Variants in NRXN3 observed in about 807,000 individuals in gnomAD.
The protein encoded by NRXN3 is neurexin 3.
A neutral mutation model predicts 137.6 loss-of-function variants in NRXN3; 32 were observed. The observed-to-expected ratio is 0.23, with a 90% CI of 0.18 to 0.31. NRXN3 has a LOEUF of 0.31. Among genes scored for constraint, NRXN3 ranks in the 10% least tolerant of loss-of-function variants. The pLI, the probability that NRXN3 is intolerant of heterozygous loss-of-function variation, is 1.00. For synonymous variants in NRXN3, 798 were observed against 784.5 expected (o/e 1.02, Z -0.29); for missense variants, 1,574 against 2,062.5 (o/e 0.76, Z 4.59).
chr14:79,523,362 A>AT (rs2097087878), intron 16 of NRXN3, among the ~76,000 whole-genome samples: 1 of 152,108 alleles, frequency 6.6e-6, no homozygotes, highest in Admixed American at 6.6e-5. Context: ...TCTCAGCTTG[A>AT]TTTTGCCATG....
chr14:79,808,256 A>C (rs2099217374), intron 20 of NRXN3, among the ~76,000 whole-genome samples: 4 of 104,940 alleles, frequency 3.8e-5, no homozygotes, highest in Admixed American at 3.7e-4. Flanking sequence ...AAAAAAAAAA[A>C]TATATATATA....
intron 6 of NRXN3, among the ~76,000 whole-genome samples, chr14:78,701,921 TGGTGGCATCCATGCGATGCAGCAGTTG>T (rs2098283479): frequency 6.6e-6 from 1 of 152,194 alleles, no homozygotes. Flanking sequence ...AGCATGAAAA[TGGTGGCATCCATGCGATGCAGCAGTTG>T]GGACTATGAG....
intron 2 of NRXN3, among the ~76,000 whole-genome samples, chr14:78,248,055 A>T (rs927139759): frequency 1.3e-5 from 2 of 152,198 alleles, no homozygotes; most frequent in African/African-American, 4.8e-5. Context: ...TTTTACGTTG[A>T]TTCAGTAGAG....
intron 4 of NRXN3, among the ~76,000 whole-genome samples, chr14:78,446,578 G>A (rs1475354674): frequency 1.3e-5 from 2 of 152,216 alleles, no homozygotes; most frequent in Non-Finnish European, 2.9e-5. Flanking sequence ...ATTAATTGAT[G>A]TTGTTGCTAC....
chr14:78,341,436 T>G (rs1008221134), intron 4 of NRXN3, among the ~76,000 whole-genome samples: 13 of 152,206 alleles, frequency 8.5e-5, no homozygotes, highest in African/African-American at 3.1e-4. Context: ...TATTTTTGGC[T>G]TTGTGGGCTG....
intron 8 of NRXN3, 38 bp downstream of exon 8, chr14:78,715,177 TG>T: frequency 6.3e-7 from 1 of 1,582,034 alleles, no homozygotes. Flanking sequence ...AGGGCCTGAG[TG>T]GGGCTGATGT....
intron 8 of NRXN3, among the ~76,000 whole-genome samples, chr14:78,797,845 A>G (rs1324531949): frequency 6.6e-6 from 1 of 152,168 alleles, no homozygotes; most frequent in Non-Finnish European, 1.5e-5. Context: ...AATGAGAGCC[A>G]GGCAAAAGGG....
At chr14:79,086,876 A>T (rs1451586933) in intron 15 of NRXN3, among the ~76,000 whole-genome samples, 1 of 152,216 alleles carries the variant, frequency 6.6e-6, no homozygotes, top group East Asian at 1.9e-4. Context: ...TATGAAAGTA[A>T]AAAGCTTTTA....
chr14:78,217,586 ATACATT>A (rs1181780011), intron 1 of NRXN3, among the ~76,000 whole-genome samples: 1 of 152,218 alleles, frequency 6.6e-6, no homozygotes, highest in Non-Finnish European at 1.5e-5. Flanking sequence ...ATTCTTTTTC[ATACATT>A]TACAAGTCTG....
intron 4 of NRXN3, among the ~76,000 whole-genome samples, chr14:78,455,222 C>T (rs561871906): frequency 7.0e-4 from 106 of 152,298 alleles, no homozygotes; most frequent in African/African-American, 2.4e-3. Context: ...GATTCCCCAG[C>T]CCTCCTTCTA....
intron 1 of NRXN3, among the ~76,000 whole-genome samples, chr14:78,190,108 A>G (rs2060577521): frequency 6.6e-6 from 1 of 152,224 alleles, no homozygotes; most frequent in Admixed American, 6.5e-5. Flanking sequence ...CACTCAGTGA[A>G]CACCTGCTGA....
At chr14:78,854,002 C>T (rs540962624) in intron 10 of NRXN3, among the ~76,000 whole-genome samples, 4 of 152,260 alleles carry the variant, frequency 2.6e-5, no homozygotes, top group South Asian at 4.1e-4. Flanking sequence ...TTTGCTCAGC[C>T]GTAGATTCCT....
At chr14:78,231,014 T>C (rs760671729) in intron 1 of NRXN3, among the ~76,000 whole-genome samples, 2 of 152,074 alleles carry the variant, frequency 1.3e-5, no homozygotes, top group South Asian at 2.1e-4. Flanking sequence ...TGTAGTAGAA[T>C]TGATAGGAGT....
chr14:78,434,729 A>G (rs1010389707), intron 4 of NRXN3, among the ~76,000 whole-genome samples: 3 of 152,150 alleles, frequency 2.0e-5, no homozygotes, highest in African/African-American at 4.8e-5. Flanking sequence ...GAATAAAAAG[A>G]ATACTGCTGA....
intron 19 of NRXN3, among the ~76,000 whole-genome samples, chr14:79,700,579 A>G (rs1167100398): frequency 1.3e-5 from 2 of 152,068 alleles, no homozygotes. Flanking sequence ...CTTAAAGCAT[A>G]AGCAAAGAAA....
At chr14:79,722,719 G>C (rs2098849274) in intron 19 of NRXN3, among the ~76,000 whole-genome samples, 1 of 152,102 alleles carries the variant, frequency 6.6e-6, no homozygotes, top group African/African-American at 2.4e-5. Flanking sequence ...TGTTCTAAGT[G>C]TCTTTTCACT....
At chr14:79,542,302 A>G (rs2097281106) in intron 16 of NRXN3, among the ~76,000 whole-genome samples, 1 of 152,194 alleles carries the variant, frequency 6.6e-6, no homozygotes, top group Non-Finnish European at 1.5e-5. Flanking sequence ...ATACCAAGTG[A>G]TAAGAATGAG....
In NRXN3 at chr14:79,387,870, G is replaced by A. The variant is rs539536529; in HGVS notation, c.3263-79351G>A. On this transcript the variant is annotated intron_variant, in intron 15 of 20. Coordinates refer to ENST00000335750, the MANE Select transcript of NRXN3 (RefSeq NM_001330195.2). ...CTCACAAAGACAAAAACCAAACACC[G>A]CATGTTCTCACTCATAGGTGGGAAT... Among the ~76,000 whole-genome samples, 206 of 147,244 alleles carry A rather than the reference G, an allele frequency of 1.4e-3. 2 individuals are homozygous for A. Among genetic ancestry groups the A allele is most frequent in the East Asian group, 0.011 (54 of 4,890 alleles).
At chr14:78,223,496 T>C (rs981387056) in intron 1 of NRXN3, among the ~76,000 whole-genome samples, 10 of 152,200 alleles carry the variant, frequency 6.6e-5, no homozygotes, top group African/African-American at 9.7e-5. Context: ...TAGTGCTTTT[T>C]CCCCCTTATA....
Sources: gnomAD v4.1 joint callset for allele counts (sites outside exome capture counted in the v4.1 genomes callset) on GRCh38, gnomAD v4.1.1 for gene constraint, MANE v1.5 for transcripts, NCBI Gene and HGNC (gene_info 2026-07-23, HGNC 2026-07-21) for gene names.